The following AGBL4 variants were observed in gnomAD, a reference collection of about 807,000 sequenced individuals.
AGBL4 encodes AGBL carboxypeptidase 4.
In AGBL4, 58 loss-of-function variants were observed where a neutral mutation model predicts 66.4. The observed-to-expected ratio is 0.87, with a 90% confidence interval of 0.71 to 1.09. The LOEUF is 1.09. AGBL4 is among the 50% of genes least tolerant of loss of function. The probability of loss-of-function intolerance (pLI) is 0.00; values close to 1 mark genes in which losing one functional copy is unlikely to be tolerated. For synonymous variants in AGBL4, 234 were observed against 222.9 expected, an observed-to-expected ratio of 1.05 and a Z score of -0.44; for missense variants, 579 against 631.0, an observed-to-expected ratio of 0.92 and a Z score of 0.88.
At chr1:48,564,017 G>T (rs1477952643) in intron 11 of AGBL4, among the ~76,000 whole-genome samples, 2 of 152,054 alleles carry the variant, frequency 1.3e-5, no homozygotes, top group African/African-American at 4.8e-5. Context: ...TCAATGATCG[G>T]GCCTATGATC....
At chr1:49,588,453 A>T (rs1407016618) in intron 3 of AGBL4, among the ~76,000 whole-genome samples, 1 of 152,164 alleles carries the variant, frequency 6.6e-6, no homozygotes, top group Non-Finnish European at 1.5e-5. Flanking sequence ...TCAACATACC[A>T]GTGGTTATGA....
intron 2 of AGBL4, chr1:49,842,487 T>A (rs1646022412): frequency 2.1e-6 from 2 of 961,034 alleles, no homozygotes; most frequent in South Asian, 4.0e-5. Context: ...GCAAATTTAC[T>A]ACTCAGTCTT....
At position 49,736,594 on chromosome 1, in the gene AGBL4, G is replaced by A. The variant is rs373785731; in HGVS notation, c.158-39157C>T. Among the ~76,000 whole-genome samples, 57 of 152,108 alleles carry A rather than the reference G, an allele frequency of 3.7e-4. 1 individual carries two copies. In the South Asian group the frequency reaches 9.6e-3, roughly 26 times the overall value. ...TTTGGGATGCAGCAAAAGTAGTGTC[G>A]ACATCAACCTTGACAATGAATTTTT... On this transcript the variant is annotated intron_variant, in intron 2 of 13. Transcript: ENST00000371839.
At chr1:48,688,230 T>C (rs1646565882) in intron 6 of AGBL4, among the ~76,000 whole-genome samples, 1 of 152,110 alleles carries the variant, frequency 6.6e-6, no homozygotes, top group African/African-American at 2.4e-5. Flanking sequence ...AAACTAAACA[T>C]GTTGGAAAAG....
At chr1:48,687,766 G>A (rs1646558097) in intron 6 of AGBL4, among the ~76,000 whole-genome samples, 3 of 152,184 alleles carry the variant, frequency 2.0e-5, no homozygotes, top group African/African-American at 4.8e-5. Context: ...AGGGTGGTCT[G>A]TGGCAGGCCC....
At chr1:49,823,377 C>G (rs1394549113) in intron 2 of AGBL4, among the ~76,000 whole-genome samples, 1 of 152,146 alleles carries the variant, frequency 6.6e-6, no homozygotes, top group Non-Finnish European at 1.5e-5. Flanking sequence ...GGAAGAATAT[C>G]ATGGGCCCAA....
In AGBL4 at chr1:49,571,411, C is replaced by T. The variant is rs571290174; in HGVS notation, c.282+125902G>A. ...GGTGTATAGAAATGCTACTTCTTTT[C>T]GTACATCAATTTTGTATCCTGCATG... On this transcript the variant is annotated intron_variant, in intron 3 of 13. Transcript: ENST00000371839. 1.5e-3 allele frequency among the ~76,000 whole-genome samples: 235 copies of T among 151,994 alleles called. 3 individuals are homozygous for T. The South Asian group carries it at 0.016, about 10-fold the overall frequency.
intron 6 of AGBL4, chr1:48,776,910 G>A: frequency 3.7e-6 from 3 of 803,982 alleles, no homozygotes; most frequent in Non-Finnish European, 5.6e-6. Context: ...GGCGGGGGGC[G>A]CGAGTCTCGC....
chr1:49,269,538 A>G (rs1301754567), intron 3 of AGBL4, among the ~76,000 whole-genome samples: 1 of 152,172 alleles, frequency 6.6e-6, no homozygotes, highest in Non-Finnish European at 1.5e-5. Flanking sequence ...AGGTCTGATA[A>G]TAACATTTAC....
intron 3 of AGBL4, among the ~76,000 whole-genome samples, chr1:49,267,599 G>A (rs556288610): frequency 2.0e-5 from 3 of 152,092 alleles, no homozygotes; most frequent in Admixed American, 6.5e-5. Context: ...AGAATCACTG[G>A]AACCCGGGAG....
At chr1:49,474,987 G>A (rs1333095965) in intron 3 of AGBL4, among the ~76,000 whole-genome samples, 1 of 151,970 alleles carries the variant, frequency 6.6e-6, no homozygotes, top group Admixed American at 6.6e-5. Context: ...AATAGTAGTG[G>A]TGAAAGTGGA....
At position 48,701,890 on chromosome 1, in the gene AGBL4, G is replaced by A. The variant is rs543282843; in HGVS notation, c.635-38649C>T. 7.0e-4 allele frequency among the ~76,000 whole-genome samples: 107 copies of A among 152,258 alleles called. 1 individual carries two copies. The East Asian group carries it at 0.016, about 23-fold the overall frequency. ...TGAATGAATGAATGAGTTAATGAAC[G>A]AATGAAGCACATAAAATTACCCTTC... is the stretch of plus-strand genomic sequence containing the variant. On this transcript the variant is annotated intron_variant, in intron 6 of 13. Coordinates refer to ENST00000371839, the MANE Select transcript of AGBL4 (RefSeq NM_032785.4).
intron 3 of AGBL4, among the ~76,000 whole-genome samples, chr1:49,253,857 T>C (rs1018992393): frequency 6.6e-6 from 1 of 152,130 alleles, no homozygotes; most frequent in African/African-American, 2.4e-5. Flanking sequence ...CAAGGTTGGT[T>C]CAACATACAC....
intron 5 of AGBL4, among the ~76,000 whole-genome samples, chr1:48,918,771 G>C (rs1011876441): frequency 6.6e-6 from 1 of 152,166 alleles, no homozygotes; most frequent in Non-Finnish European, 1.5e-5. Flanking sequence ...TAGTAGCCTG[G>C]ACTAAGACAG....
intron 2 of AGBL4, among the ~76,000 whole-genome samples, chr1:49,769,087 T>G (rs1055167341): frequency 1.3e-5 from 2 of 152,140 alleles, no homozygotes; most frequent in Non-Finnish European, 2.9e-5. Context: ...GACCTCGTGA[T>G]CTGCCCACCT....
chr1:49,857,055 T>C (rs1646452797), intron 1 of AGBL4, among the ~76,000 whole-genome samples: 1 of 150,644 alleles, frequency 6.6e-6, no homozygotes, highest in African/African-American at 2.4e-5. Flanking sequence ...ATTCAACCTA[T>C]GTAAATCATA....
chr1:49,177,183 G>A (rs1243605358), intron 4 of AGBL4, among the ~76,000 whole-genome samples: 1 of 152,094 alleles, frequency 6.6e-6, no homozygotes, highest in Non-Finnish European at 1.5e-5. Context: ...TGCATCCTTA[G>A]TCGAGTCATT....
chr1:48,703,853 G>T (rs959008523), intron 6 of AGBL4, among the ~76,000 whole-genome samples: 6 of 152,196 alleles, frequency 3.9e-5, no homozygotes, highest in African/African-American at 1.4e-4. Context: ...AAAAATTATT[G>T]CTTTGTTGTT....
intron 6 of AGBL4, among the ~76,000 whole-genome samples, chr1:48,833,072 A>G (rs929178935): frequency 6.6e-5 from 10 of 152,190 alleles, no homozygotes; most frequent in African/African-American, 1.4e-4. Context: ...TAGGTCTCCT[A>G]TTGGTTCTGT....
Sources: gnomAD v4.1 joint callset for allele counts (sites outside exome capture counted in the v4.1 genomes callset) on GRCh38, gnomAD v4.1.1 for gene constraint, MANE v1.5 for transcripts, NCBI Gene and HGNC (gene_info 2026-07-23, HGNC 2026-07-21) for gene names.